The following FBXL13 variants were observed in gnomAD, a reference collection of about 807,000 sequenced individuals.
FBXL13 encodes the protein F-box and leucine-rich repeat protein 13.
Under a neutral mutation model 83.6 loss-of-function variants are expected in FBXL13, and 67 were observed. The observed-to-expected ratio is 0.80, with a 90% CI of 0.66 to 0.98. FBXL13 has a LOEUF of 0.98. Among genes scored for constraint, FBXL13 ranks in the 50% least tolerant of loss-of-function variants. FBXL13 has a pLI of 0.00. For synonymous variants in FBXL13, 272 were observed against 299.5 expected (o/e 0.91, Z 0.95); for missense variants, 822 against 866.5 (o/e 0.95, Z 0.64).
chr7:102,926,950 G>T (rs4255065), intron 9 of FBXL13, among the ~76,000 whole-genome samples: 147,953 of 152,272 alleles, frequency 0.97, 72,036 homozygotes, highest in East Asian at 1. Context: ...AAATAAAATA[G>T]AGGCTACATA....
chr7:102,982,001 GT>G (rs1828299308), intron 6 of FBXL13, among the ~76,000 whole-genome samples: 1 of 152,092 alleles, frequency 6.6e-6, no homozygotes, highest in Non-Finnish European at 1.5e-5. Flanking sequence ...TCAATGCTGG[GT>G]TACAGCCCAG....
intron 2 of FBXL13, among the ~76,000 whole-genome samples, chr7:103,036,965 A>G (rs1180591679): frequency 1.3e-5 from 2 of 152,220 alleles, no homozygotes; most frequent in East Asian, 3.8e-4. Flanking sequence ...TTTGTTACCA[A>G]CTTCATTAAG....
At chr7:102,811,291 A>T (rs114795208), downstream of FBXL13, among the ~76,000 whole-genome samples, 1,900 of 152,302 alleles carry the variant, frequency 0.012, 47 homozygotes, top group African/African-American at 0.044. Context: ...AGCTGCCATA[A>T]TTTACTCTCT....
chr7:103,034,500 G>A (rs571324680), intron 2 of FBXL13, among the ~76,000 whole-genome samples: 95 of 152,344 alleles, frequency 6.2e-4, no homozygotes, highest in Admixed American at 1.1e-3. Flanking sequence ...CTCTGAGTGC[G>A]GGGTCCGCTG....
At chr7:102,917,300 G>A (rs1816090384) in intron 10 of FBXL13, among the ~76,000 whole-genome samples, 1 of 152,082 alleles carries the variant, frequency 6.6e-6, no homozygotes, top group Non-Finnish European at 1.5e-5. Flanking sequence ...CAAGCCAATT[G>A]AAAGGTCAAT....
chr7:103,020,008 A>C (rs914253720), intron 6 of FBXL13, among the ~76,000 whole-genome samples: 1 of 152,228 alleles, frequency 6.6e-6, no homozygotes, highest in African/African-American at 2.4e-5. Context: ...AAAGCCTGGC[A>C]GAGACACAAC....
chr7:103,069,331 G>A (rs1018239424), intron 1 of FBXL13, among the ~76,000 whole-genome samples: 5 of 152,242 alleles, frequency 3.3e-5, no homozygotes, highest in Admixed American at 2.6e-4. Flanking sequence ...AACCCTCGAA[G>A]TGTGAAGTGG....
At chr7:103,052,159 A>G (rs1796881656) in intron 2 of FBXL13, among the ~76,000 whole-genome samples, 2 of 152,244 alleles carry the variant, frequency 1.3e-5, no homozygotes, top group African/African-American at 4.8e-5. Flanking sequence ...TTTTTTGTTG[A>G]AACATTAAAA....
intron 11 of FBXL13, among the ~76,000 whole-genome samples, chr7:102,899,072 T>A (rs943554125): frequency 6.6e-6 from 1 of 152,120 alleles, no homozygotes; most frequent in African/African-American, 2.4e-5. Context: ...TGCGCCGCCA[T>A]ACTTGGCTAA....
intron 2 of FBXL13, among the ~76,000 whole-genome samples, chr7:103,038,696 C>T (rs1008432523): frequency 2.6e-5 from 4 of 152,222 alleles, no homozygotes; most frequent in African/African-American, 9.6e-5. Flanking sequence ...AGTGGACCTC[C>T]AGCAAACTCC....
chr7:102,879,439 A>ATATGTG (rs1554433894), intron 14 of FBXL13, among the ~76,000 whole-genome samples: 1 of 144,698 alleles, frequency 6.9e-6, no homozygotes, highest in African/African-American at 2.6e-5. Context: ...GCAGTTAAGG[A>ATATGTG]TGTGTGTGTG....
chr7:102,971,494 G>A (rs1826650032), intron 6 of FBXL13, among the ~76,000 whole-genome samples: 1 of 151,926 alleles, frequency 6.6e-6, no homozygotes, highest in South Asian at 2.1e-4. Context: ...CTACTTGGGA[G>A]GCTGAGGCAG....
chr7:102,831,431 A>ACACACCCC (rs1033135095), intron 18 of FBXL13, among the ~76,000 whole-genome samples: 6 of 147,234 alleles, frequency 4.1e-5, no homozygotes, highest in African/African-American at 1.5e-4. Flanking sequence ...ACACACACAC[A>ACACACCCC]CCCCACTACA....
intron 2 of FBXL13, among the ~76,000 whole-genome samples, chr7:103,029,834 AG>A (rs1297949533): frequency 3.9e-5 from 6 of 152,094 alleles, no homozygotes; most frequent in Non-Finnish European, 8.8e-5. Context: ...TTCAACATAG[AG>A]GAATTCCTCA....
intron 17 of FBXL13, among the ~76,000 whole-genome samples, chr7:102,850,092 C>G (rs1203813884): frequency 6.6e-6 from 1 of 151,882 alleles, no homozygotes; most frequent in Non-Finnish European, 1.5e-5. Flanking sequence ...AAATACATGT[C>G]AGTTTGTAAA....
chr7:103,054,845 G>C (rs774871549), intron 2 of FBXL13, among the ~76,000 whole-genome samples: 5 of 152,026 alleles, frequency 3.3e-5, no homozygotes, highest in Non-Finnish European at 5.9e-5. Context: ...AAACTTAATG[G>C]AAAGATTTTA....
intron 16 of FBXL13, among the ~76,000 whole-genome samples, chr7:102,867,689 ATATATAT>A (rs1392644484): frequency 1.3e-4 from 10 of 75,678 alleles, no homozygotes; most frequent in South Asian, 4.1e-4. Flanking sequence ...ATATATATAT[ATATATAT>A]TTTTTTTTTT....
chr7:102,973,843 T>C lies in FBXL13; in HGVS notation c.496-5726A>G, dbSNP rs1827083994. On this transcript the variant is annotated intron_variant, in intron 6 of 19. Coordinates refer to ENST00000313221, the Ensembl canonical transcript of FBXL13. ...TCTCTTGGTTTCTCCAGTCTGAAAA[T>C]CCAACATTGGTCCAAGAAGGCTCCG... is the stretch of plus-strand genomic sequence containing the variant. The C allele has an allele frequency of 7.1e-6, 5 of 703,350 alleles. 1 individual carries two copies. In the African/African-American group the frequency reaches 8.8e-5, roughly 12 times the overall value. The allele number at this position is 703,350 out of a possible 1,614,324, so 43.6% of individuals were successfully genotyped here. A position where few individuals can be genotyped will look rare whatever the true frequency, so the allele number is the denominator to read the frequency against.
intron 6 of FBXL13, among the ~76,000 whole-genome samples, chr7:103,021,295 G>A (rs375956978): frequency 6.6e-6 from 1 of 151,932 alleles, no homozygotes; most frequent in Non-Finnish European, 1.5e-5. Context: ...GAAAGCTGAA[G>A]CTGGATCCCT....
Sources: gnomAD v4.1 joint callset for allele counts (sites outside exome capture counted in the v4.1 genomes callset) on GRCh38, gnomAD v4.1.1 for gene constraint, MANE v1.5 for transcripts, NCBI Gene and HGNC (gene_info 2026-07-23, HGNC 2026-07-21) for gene names.